Variants in MS4A12 observed in about 807,000 individuals in gnomAD.
The protein encoded by MS4A12 is membrane-spanning 4-domains subfamily A member 12.
In MS4A12, 28 loss-of-function variants were observed where a neutral mutation model predicts 23.7. The observed-to-expected ratio is 1.18, with a 90% CI of 0.88 to 1.62. MS4A12 has a LOEUF of 1.62. Ranked by LOEUF, MS4A12 falls within the 40% of genes most tolerant of loss-of-function variation. MS4A12 has a pLI of 0.00. For synonymous variants in MS4A12, 108 were observed against 110.1 expected, an observed-to-expected ratio of 0.98 and a Z score of 0.12; for missense variants, 342 against 327.0, an observed-to-expected ratio of 1.05 and a Z score of -0.35.
chr11:60,495,246 C>T (rs1206371636), intron 1 of MS4A12, among the ~76,000 whole-genome samples: 2 of 151,722 alleles, frequency 1.3e-5, no homozygotes, highest in African/African-American at 4.8e-5. Flanking sequence ...TCGGGATCTG[C>T]CCGCCTCGGC....
In MS4A12 at chr11:60,501,193, T is replaced by TG; in HGVS notation, c.414+12dup. On this transcript the variant is annotated intron_variant, in intron 3 of 6. Coordinates refer to ENST00000016913, the MANE Select transcript of MS4A12 (RefSeq NM_017716.3). The stretch of plus-strand genomic sequence containing the variant: ...TGGGGTGGCCTTTCTGTGAGTAGAT[T>TG]GCTAGAACACCAGTCCTTCTTGGTT... The TG allele has an allele frequency of 6.3e-7, 1 of 1,599,168 alleles. No individual in the cohort carries two copies. Among genetic ancestry groups the TG allele is most frequent in the Non-Finnish European group, 8.5e-7 (1 of 1,175,172 alleles).
Position 60,501,991 on chromosome 11 carries a change from C to G in MS4A12, c.423C>G (p.Ile141Met). The change falls in exon 4 of 7, where the codon ATC (isoleucine) becomes ATG (methionine). Residue 141 changes from isoleucine (I) to methionine (M), a missense_variant. Coordinates refer to ENST00000016913, the MANE Select transcript of MS4A12 (RefSeq NM_017716.3). ...TTTGTCCATTTCCACAGTTTATTAT[C>G]TCTGGCTCTCTCTCTGTGTCAGCAT... The part of the protein sequence containing the change: ...YPFWGGLSFI[I>M]SGSLSVSASK... 6 of 1,612,634 alleles carry G rather than the reference C, an allele frequency of 3.7e-6. No individual in the cohort carries two copies. The highest frequency in any genetic ancestry group is 4.2e-6 in the Non-Finnish European group (5 of 1,178,702).
At chr11:60,502,160 T>A in intron 4 of MS4A12, 121 bp downstream of exon 4, 1 of 1,006,128 alleles carries the variant, frequency 9.9e-7, no homozygotes, top group Non-Finnish European at 1.5e-6. Flanking sequence ...AAAAAAAATC[T>A]ATTGGTTGCC....
intron 5 of MS4A12, among the ~76,000 whole-genome samples, chr11:60,506,188 T>A (rs905972092): frequency 1.3e-5 from 2 of 152,226 alleles, no homozygotes; most frequent in Non-Finnish European, 2.9e-5. Flanking sequence ...AGAGTTCAAG[T>A]GAGCTTAATA....
At position 60,497,469 on chromosome 11, in the gene MS4A12, C is replaced by T. The variant is rs747738624; in HGVS notation, c.151C>T (p.Pro51Ser). 2 of 1,614,024 alleles carry T rather than the reference C, an allele frequency of 1.2e-6. No homozygotes were observed. The highest frequency in any genetic ancestry group is 2.7e-5 in the African/African-American group (2 of 74,906). The change falls in exon 2 of 7, where the codon CCC becomes TCC. Residue 51 changes from proline to serine, a missense_variant. By Grantham distance (74) the Pro-to-Ser change is moderately conservative. Coordinates refer to ENST00000016913, the MANE Select transcript of MS4A12 (RefSeq NM_017716.3). ...AGCTCAGGGTGCTCAGCGTGCTCAG[C>T]CCTACGGCATCACATCTCCGGGAAT... Reference protein sequence around the residue: ...NQAQGAQRAQPYGITSPGIFA... With the variant: ...NQAQGAQRAQSYGITSPGIFA...
Position 60,506,763 on chromosome 11 carries a change from C to A in MS4A12, c.624C>A (p.Ile208=). 6.2e-7 allele frequency: 1 copy of A among 1,614,144 alleles called. No individual in the cohort carries two copies. The highest frequency in any genetic ancestry group is 8.5e-7 in the Non-Finnish European group (1 of 1,179,992). Residue 208 remains isoleucine (I), a synonymous_variant, in exon 6 of 7, where the codon ATC becomes ATA. Coordinates refer to ENST00000016913, the MANE Select transcript of MS4A12 (RefSeq NM_017716.3). ...SGKGISATLM[I]FSLLEFFVAC... ...AAGGCATTTCAGCCACGCTGATGATCTTCTCCCTCTTGGAGTTCTTCGTAG... is the reference window on the plus strand; with the variant it reads ...AAGGCATTTCAGCCACGCTGATGATATTCTCCCTCTTGGAGTTCTTCGTAG...
Position 60,501,996 on chromosome 11 carries a change from GCTCT to G in MS4A12, c.435_438del (p.Ser146CysfsTer12). ...CCATTTCCACAGTTTATTATCTCTG[GCTCT>G]CTCTCTGTGTCAGCATCCAAGGAGC... On this transcript the variant is annotated frameshift_variant, in exon 4 of 7. Transcript: ENST00000016913. LOFTEE classifies it high-confidence loss of function. The G allele has an allele frequency of 1.9e-6, 3 of 1,612,694 alleles. No individual in the cohort carries two copies. The highest frequency in any genetic ancestry group is 2.5e-6 in the Non-Finnish European group (3 of 1,178,888).
intron 2 of MS4A12, 113 bp from the exon 3 acceptor site, chr11:60,500,929 GACA>G: frequency 8.4e-7 from 1 of 1,191,532 alleles, no homozygotes; most frequent in Non-Finnish European, 1.2e-6. Context: ...GTGCCTGAAT[GACA>G]ACGATGGATC....
At chr11:60,498,103 C>T (rs2086503585) in intron 2 of MS4A12, 1 of 153,632 alleles carries the variant, frequency 6.5e-6, no homozygotes, top group Non-Finnish European at 1.4e-5. Flanking sequence ...TGTCACCTTA[C>T]TTCTACAAAG....
In MS4A12 at chr11:60,497,590, T is replaced by C; in HGVS notation, c.272T>C (p.Leu91Pro). The C allele has an allele frequency of 6.2e-7, 1 of 1,613,892 alleles. No individual in the cohort carries two copies. Among genetic ancestry groups the C allele is most frequent in the Non-Finnish European group, 8.5e-7 (1 of 1,179,774 alleles). The change falls in exon 2 of 7, where the codon CTA becomes CCA. Residue 91 changes from leucine to proline, a missense_variant. Physicochemically the swap from Leu to Pro is moderately conservative, Grantham distance 98. Coordinates refer to ENST00000016913, the MANE Select transcript of MS4A12 (RefSeq NM_017716.3). The stretch of plus-strand genomic sequence containing the variant: ...AACTTTAAAGAAGAAGCAAAGGCAC[T>C]AGGGGTAAGTCTATTTACTACCAGA... ...VMNFKEEAKA[L>P]GVIQIMVGLM...
chr11:60,492,783 G>A lies in MS4A12; in HGVS notation c.-52G>A, dbSNP rs576198710. 3.3e-5 allele frequency: 5 copies of A among 152,300 alleles called. No homozygotes were observed. Among genetic ancestry groups the A allele is most frequent in the African/African-American group, 1.2e-4 (5 of 41,558 alleles). 9.4% of individuals were successfully genotyped at this position (152,300 alleles called of 1,614,324 possible). On this transcript the variant is annotated 5_prime_UTR_variant, in exon 1 of 7. Transcript: ENST00000016913. ...GGTAAATATCTGATACTGGCACACA[G>A]GTTGGAGCAGAGAAAGAGGAAACAT...
intron 2 of MS4A12, chr11:60,497,822 G>A: frequency 4.0e-6 from 2 of 502,108 alleles, no homozygotes; most frequent in East Asian, 3.6e-5. Context: ...GGAGAATTTG[G>A]TAATATTGAC....
chr11:60,493,995 A>G (rs1191995115), intron 1 of MS4A12, among the ~76,000 whole-genome samples: 2 of 152,220 alleles, frequency 1.3e-5, no homozygotes, highest in African/African-American at 4.8e-5. Context: ...TAAAAAAAGG[A>G]CAACTAGGGG....
At position 60,507,024 on chromosome 11, in the gene MS4A12, T is replaced by C; in HGVS notation, c.704T>C (p.Val235Ala). ...GTTTTTATTCATTCTTTCCAGTCTG[T>C]CCTGGTTATTCCAAATATGTATGAA... is the stretch of plus-strand genomic sequence containing the variant. Reference protein sequence around the residue: ...NQANTTTNMSVLVIPNMYESN... With the variant: ...NQANTTTNMSALVIPNMYESN... The change falls in exon 7 of 7, where the codon GTC (valine) becomes GCC (alanine). Residue 235 changes from valine (V) to alanine (A), a missense_variant. Transcript: ENST00000016913. 6.2e-7 allele frequency: 1 copy of C among 1,611,670 alleles called. No individual in the cohort carries two copies. Among genetic ancestry groups the C allele is most frequent in the South Asian group, 1.1e-5 (1 of 91,048 alleles).
Position 60,497,334 on chromosome 11 carries a change from C to A in MS4A12, c.16C>A (p.Pro6Thr), listed in dbSNP as rs1242587090. 3 of 1,613,198 alleles carry A rather than the reference C, an allele frequency of 1.9e-6. No individual in the cohort carries two copies. In the South Asian group the frequency reaches 3.3e-5, roughly 18 times the overall value. MMSSK[P>T]TSHAEVNETI... is the part of the protein sequence containing the mutation. The stretch of plus-strand genomic sequence containing the variant: ...TTAGGACATAATGATGTCATCCAAG[C>A]CAACAAGCCATGCTGAAGTAAATGA... The change falls in exon 2 of 7, where the codon CCA (proline) becomes ACA (threonine). Residue 6 changes from proline to threonine, a missense_variant. Physicochemically the swap from Pro to Thr is conservative, Grantham distance 38. Transcript: ENST00000016913.
intron 2 of MS4A12, 34 bp downstream of exon 2, chr11:60,497,628 C>T: frequency 3.1e-6 from 5 of 1,603,696 alleles, no homozygotes; most frequent in Non-Finnish European, 4.3e-6. Context: ...TTTAATTTCA[C>T]ATTTGCAAGG....
chr11:60,500,011 G>A (rs556794952), intron 2 of MS4A12, among the ~76,000 whole-genome samples: 4 of 151,934 alleles, frequency 2.6e-5, no homozygotes, highest in South Asian at 2.1e-4. Flanking sequence ...AGGCCAAGGC[G>A]GGCAGATCAA....
intron 1 of MS4A12, among the ~76,000 whole-genome samples, chr11:60,494,687 A>T (rs1476322675): frequency 6.6e-6 from 1 of 152,218 alleles, no homozygotes; most frequent in Non-Finnish European, 1.5e-5. Flanking sequence ...TGCATAAATT[A>T]GGATAATTTG....
At chr11:60,500,973 C>A in intron 2 of MS4A12, 72 bp from the exon 3 acceptor site, 2 of 1,476,336 alleles carry the variant, frequency 1.4e-6, no homozygotes, top group Non-Finnish European at 1.8e-6. Flanking sequence ...TAAGCAGGGG[C>A]AGCAATGACA....
Sources: gnomAD v4.1 joint callset for allele counts (sites outside exome capture counted in the v4.1 genomes callset) on GRCh38, gnomAD v4.1.1 for gene constraint, MANE v1.5 for transcripts, NCBI Gene and HGNC (gene_info 2026-07-23, HGNC 2026-07-21) for gene names.